The following WASF2 variants were observed in gnomAD, a reference collection of about 807,000 sequenced individuals.
WASF2 encodes the protein actin-binding protein WASF2.
Under a neutral mutation model 45.0 loss-of-function variants are expected in WASF2, and 14 were observed. The observed-to-expected ratio is 0.31, with a 90% CI of 0.21 to 0.49. The LOEUF (loss-of-function observed/expected upper bound fraction) is 0.49, where lower values mean the gene tolerates loss of function less well. Ranked by LOEUF, WASF2 falls within the 20% of genes least tolerant of loss-of-function variation. WASF2 has a pLI of 0.99. For synonymous variants in WASF2, 200 were observed against 236.3 expected, an observed-to-expected ratio of 0.85 and a Z score of 1.41; for missense variants, 439 against 636.1, an observed-to-expected ratio of 0.69 and a Z score of 3.33.
chr1:27,453,498 A>G (rs555551359), intron 1 of WASF2, among the ~76,000 whole-genome samples: 4 of 151,058 alleles, frequency 2.6e-5, no homozygotes, highest in African/African-American at 9.7e-5. Flanking sequence ...AGGCTGAAGC[A>G]GGAGAATTTC....
intron 3 of WASF2, among the ~76,000 whole-genome samples, chr1:27,418,735 AAAG>A (rs1390482147): frequency 6.6e-6 from 1 of 152,150 alleles, no homozygotes; most frequent in East Asian, 1.9e-4. Context: ...GAAATTTGAG[AAAG>A]AAGGAATTGG....
rs577249142 is a variant in WASF2, at chr1:27,438,101, T to G, written c.-43-9168A>C. Among the ~76,000 whole-genome samples, 3 of 152,260 alleles carry G rather than the reference T, an allele frequency of 2.0e-5. No homozygotes were observed. The East Asian group carries it at 5.8e-4, about 29-fold the overall frequency. On this transcript the variant is annotated intron_variant, in intron 1 of 8. Transcript: ENST00000618852. ...ATAAGAGGACAGATACAAAATGCAT[T>G]CCTCTCCAAGTACCTGGGAGGAAGC...
intron 1 of WASF2, among the ~76,000 whole-genome samples, chr1:27,452,662 C>G (rs1373039263): frequency 6.7e-6 from 1 of 149,594 alleles, no homozygotes; most frequent in Admixed American, 6.7e-5. Context: ...ACTAAAAATA[C>G]AAAAAATTAC....
At chr1:27,455,836 T>C (rs1028495521) in intron 1 of WASF2, among the ~76,000 whole-genome samples, 4 of 152,160 alleles carry the variant, frequency 2.6e-5, no homozygotes, top group African/African-American at 9.7e-5. Flanking sequence ...AGAACTCTAT[T>C]ATTACTTTAT....
At chr1:27,466,594 C>T (rs533417355) in intron 1 of WASF2, among the ~76,000 whole-genome samples, 12 of 152,266 alleles carry the variant, frequency 7.9e-5, no homozygotes, top group Non-Finnish European at 1.5e-4. Context: ...TGCTGCTGGG[C>T]GCAGTGGTGC....
chr1:27,435,529 AGT>A (rs755440885), intron 1 of WASF2, among the ~76,000 whole-genome samples: 4 of 149,792 alleles, frequency 2.7e-5, no homozygotes, highest in Non-Finnish European at 5.9e-5. Context: ...TTGAGGCTGC[AGT>A]GTGTATGATT....
chr1:27,485,900 C>T (rs369926634), intron 1 of WASF2, among the ~76,000 whole-genome samples: 110 of 152,140 alleles, frequency 7.2e-4, no homozygotes, highest in African/African-American at 2.3e-3. Flanking sequence ...TTAGTAGAGA[C>T]GGGGTTTCAC....
chr1:27,465,441 A>G (rs1304691202), intron 1 of WASF2, among the ~76,000 whole-genome samples: 2 of 152,216 alleles, frequency 1.3e-5, no homozygotes, highest in African/African-American at 4.8e-5. Flanking sequence ...CCTAGTTTCA[A>G]TTACTGTATG....
chr1:27,462,805 G>T (rs1311010781), intron 1 of WASF2, among the ~76,000 whole-genome samples: 1 of 152,150 alleles, frequency 6.6e-6, no homozygotes, highest in Non-Finnish European at 1.5e-5. Flanking sequence ...CTGATATTCA[G>T]TGCAGGTGTT....
At chr1:27,436,164 G>C (rs1403781127) in intron 1 of WASF2, among the ~76,000 whole-genome samples, 1 of 152,224 alleles carries the variant, frequency 6.6e-6, no homozygotes, top group African/African-American at 2.4e-5. Flanking sequence ...TAAAGAACAT[G>C]GCTGGGTGTA....
At chr1:27,481,164 C>G (rs1489564408) in intron 1 of WASF2, among the ~76,000 whole-genome samples, 1 of 149,778 alleles carries the variant, frequency 6.7e-6, no homozygotes, top group South Asian at 2.1e-4. Flanking sequence ...ATTAGCCAGG[C>G]GTGGTGGCAC....
chr1:27,454,183 ATATATTTTTTTTT>A (rs2017433603), intron 1 of WASF2, among the ~76,000 whole-genome samples: 53 of 8,474 alleles, frequency 6.3e-3, no homozygotes, highest in African/African-American at 0.014. Context: ...ATATATATAT[ATATATTTTTTTTT>A]TTTTTTTTTT....
At chr1:27,441,394 G>A (rs1230576142) in intron 1 of WASF2, among the ~76,000 whole-genome samples, 5 of 151,610 alleles carry the variant, frequency 3.3e-5, no homozygotes, top group East Asian at 4.0e-4. Flanking sequence ...TTGGGAGGCC[G>A]AGGTGGGTGG....
chr1:27,433,488 G>A (rs1452182662), intron 1 of WASF2, among the ~76,000 whole-genome samples: 1 of 152,234 alleles, frequency 6.6e-6, no homozygotes, highest in African/African-American at 2.4e-5. Context: ...TAGTGCACTG[G>A]ATGTTGGGGA....
rs1351060952 is a variant in WASF2 at position 27,406,287 on chromosome 1, T to C, written c.*1902A>G. ...GCATGGAGCTTAGTGCCAAGTCCTG[T>C]GCCAGAGACACCTGATGTGTAAAGA... On this transcript the variant is annotated 3_prime_UTR_variant, in exon 9 of 9. Transcript: ENST00000618852. 1 of 152,452 alleles carries C rather than the reference T, an allele frequency of 6.6e-6. No individual in the cohort carries two copies. Among genetic ancestry groups the C allele is most frequent in the East Asian group, 1.9e-4 (1 of 5,192 alleles). 9.4% of individuals were successfully genotyped at this position (152,452 alleles called of 1,614,324 possible). A position where few individuals can be genotyped will look rare whatever the true frequency, so the allele number is the denominator to read the frequency against.
chr1:27,477,285 A>G (rs1325323718), intron 1 of WASF2, among the ~76,000 whole-genome samples: 1 of 152,138 alleles, frequency 6.6e-6, no homozygotes, highest in African/African-American at 2.4e-5. Context: ...CACGCCTGTA[A>G]TCCCAGCACT....
chr1:27,452,793 G>GTGAT (rs1445828184), intron 1 of WASF2, among the ~76,000 whole-genome samples: 1 of 151,866 alleles, frequency 6.6e-6, no homozygotes, highest in Non-Finnish European at 1.5e-5. Flanking sequence ...TCCAGCCTGA[G>GTGAT]TGATAGAGTG....
At chr1:27,486,590 T>C (rs1285020155) in intron 1 of WASF2, among the ~76,000 whole-genome samples, 1 of 152,096 alleles carries the variant, frequency 6.6e-6, no homozygotes, top group Non-Finnish European at 1.5e-5. Context: ...TCCTCTAATA[T>C]CTAGATCAAT....
chr1:27,409,428 C>CAAAAAAAAAAAAAAAAAAAAA (rs60940665), intron 8 of WASF2, among the ~76,000 whole-genome samples: 1 of 43,692 alleles, frequency 2.3e-5, no homozygotes, highest in African/African-American at 6.0e-5. Context: ...CTGTCCCCCA[C>CAAAAAAAAAAAAAAAAAAAAA]AAAAAAAAAA....
Sources: allele counts gnomAD v4.1 joint callset (sites outside exome capture counted in the v4.1 genomes callset), GRCh38; gene constraint gnomAD v4.1.1; transcripts MANE v1.5; gene names NCBI Gene and HGNC (gene_info 2026-07-23, HGNC 2026-07-21).